TWNK: variants seen among roughly 807,000 people sequenced by gnomAD.
The protein encoded by TWNK is T7 gp4-like protein with intramitochondrial nucleoid localization.
In TWNK, 36 loss-of-function variants were observed where a neutral mutation model predicts 58.2. The ratio of observed to expected loss-of-function variants is 0.62; its 90% CI spans 0.47 to 0.82. TWNK has a LOEUF of 0.82. TWNK is among the 40% of genes least tolerant of loss of function. The pLI is 0.00. For missense variants in TWNK, 714 were observed against 881.0 expected (o/e 0.81, Z 2.40); for synonymous variants, 349 against 348.5 (o/e 1.00, Z -0.02).
intron 4 of TWNK, among the ~76,000 whole-genome samples, chr10:100,992,598 AAG>A (rs1851813285): frequency 6.6e-6 from 1 of 151,660 alleles, no homozygotes; most frequent in African/African-American, 2.4e-5. Context: ...TGAGACCTAA[AAG>A]AGAAGAAGCT....
At position 100,988,234 on chromosome 10, in the gene TWNK, G is replaced by A; in HGVS notation, c.24G>A (p.Gly8=). 6.2e-7 allele frequency: 1 copy of A among 1,614,148 alleles called. No homozygotes were observed. The highest frequency in any genetic ancestry group is 8.5e-7 in the Non-Finnish European group (1 of 1,180,042). The part of the protein sequence containing the change: MWVLLRS[G]YPLRILLPLR... ...GAATGTGGGTCCTCCTCCGAAGTGG[G>A]TACCCCCTCCGTATCTTGTTACCCC... The change falls in exon 1 of 5, where the codon GGG becomes GGA. Residue 8 remains glycine (G), a synonymous_variant. Transcript: ENST00000311916. The surrounding 1 kb of genome is among the most constrained non-coding windows in gnomAD (Gnocchi z 5.2).
Position 100,993,186 on chromosome 10 carries a change from C to T in TWNK, c.1735-4C>T, listed in dbSNP as rs1851831524. 6.2e-7 allele frequency: 1 copy of T among 1,614,016 alleles called. No individual in the cohort carries two copies. Among genetic ancestry groups the T allele is most frequent in the African/African-American group, 1.3e-5 (1 of 74,916 alleles). On this transcript the variant is annotated splice_polypyrimidine_tract_variant and splice_region_variant and intron_variant, in intron 4 of 4. Coordinates refer to ENST00000311916, the MANE Select transcript of TWNK (RefSeq NM_021830.5). ...CTTTCCTCCTTCTGCCCCCTGTTCC[C>T]CAGGCAAGCCAGGAAGCAGACAATG...
intron 4 of TWNK, among the ~76,000 whole-genome samples, chr10:100,991,450 A>G (rs947169470): frequency 7.9e-5 from 12 of 152,210 alleles, no homozygotes; most frequent in African/African-American, 2.2e-4. Context: ...GACCAGCCCA[A>G]TCCTGGAGCT....
In TWNK at chr10:100,993,749, T is replaced by G. The variant is rs1851850656; in HGVS notation, c.*239T>G. 2 of 555,746 alleles carry G rather than the reference T, an allele frequency of 3.6e-6. No homozygotes were observed. Among genetic ancestry groups the G allele is most frequent in the African/African-American group, 3.8e-5 (2 of 53,282 alleles). The allele number at this position is 555,746 out of a possible 1,614,324, so 34.4% of individuals were successfully genotyped here. A position where few individuals can be genotyped will look rare whatever the true frequency, so the allele number is the denominator to read the frequency against. ...TACAGCACTGAAAAGAGAGATAAAGTCCCTGCCTGCATGCATTCTGGCGGA... is the reference window on the plus strand; with the variant it reads ...TACAGCACTGAAAAGAGAGATAAAGGCCCTGCCTGCATGCATTCTGGCGGA... On this transcript the variant is annotated 3_prime_UTR_variant, in exon 5 of 5. Transcript: ENST00000311916.
In TWNK at chr10:100,993,171, T is replaced by C. The variant is rs534438829; in HGVS notation, c.1735-19T>C. 4.3e-6 allele frequency: 7 copies of C among 1,613,824 alleles called. No homozygotes were observed. The South Asian group carries it at 5.5e-5, about 13-fold the overall frequency. On this transcript the variant is annotated intron_variant, in intron 4 of 4. Transcript: ENST00000311916. ...GTCCTCTTACTCCTGCTTTCCTCCT[T>C]CTGCCCCCTGTTCCCCAGGCAAGCC... is the stretch of plus-strand genomic sequence containing the variant.
rs768295912 is a variant in TWNK at position 100,990,863 on chromosome 10, G to T, written c.1593-6G>T. On this transcript the variant is annotated splice_region_variant and splice_polypyrimidine_tract_variant and intron_variant, in intron 3 of 4. Transcript: ENST00000311916. The stretch of plus-strand genomic sequence containing the variant: ...ATAAGCTCTTTGTGTTGTTGGGATG[G>T]CGTAGGATCGCAGCTCAAGACTACA... 6.2e-7 allele frequency: 1 copy of T among 1,614,128 alleles called. No homozygotes were observed. The highest frequency in any genetic ancestry group is 1.7e-5 in the Admixed American group (1 of 60,018).
At position 100,988,614 on chromosome 10, in the gene TWNK, G is replaced by A. The variant is rs375005531; in HGVS notation, c.404G>A (p.Gly135Glu). The A allele has an allele frequency of 1.5e-5, 24 of 1,613,798 alleles. No homozygotes were observed. Among genetic ancestry groups the A allele is most frequent in the Non-Finnish European group, 1.7e-5 (20 of 1,180,048 alleles). Residue 135 changes from glycine to glutamate, a missense_variant, in exon 1 of 5, where the codon GGG becomes GAG. By Grantham distance (98) the Gly-to-Glu change is moderately conservative. This residue lies in a region of TWNK where 348 missense variants were observed against 388.4 expected (regional missense o/e 0.90). Transcript: ENST00000311916. The surrounding 1 kb of genome is among the most constrained non-coding windows in gnomAD (Gnocchi z 5.2). ...GCCAGCGTGGAGGGGCGAGGGGATGGGGCCAGGGAGGGGTTTCTGCTTAGC... is the reference window on the plus strand; with the variant it reads ...GCCAGCGTGGAGGGGCGAGGGGATGAGGCCAGGGAGGGGTTTCTGCTTAGC... Reference protein sequence around the residue: ...FQASVEGRGDGAREGFLLSKA... With the variant: ...FQASVEGRGDEAREGFLLSKA...
In TWNK at chr10:100,988,546, C is replaced by G; in HGVS notation, c.336C>G (p.Leu112=). Residue 112 remains leucine, a synonymous_variant, in exon 1 of 5, where the codon CTC becomes CTG. Transcript: ENST00000311916. The surrounding 1 kb of genome is among the most constrained non-coding windows in gnomAD (Gnocchi z 5.2). ...LFIDKTTGHF[L]CMTSLAEGSW... is the part of the protein sequence containing the mutation. ...TTGACAAGACCACAGGCCACTTTCT[C>G]TGCATGACCAGCCTAGCAGAAGGGA... is the stretch of plus-strand genomic sequence containing the variant. The G allele has an allele frequency of 6.2e-7, 1 of 1,614,156 alleles. No homozygotes were observed.
Position 100,993,279 on chromosome 10 carries a change from C to T in TWNK, c.1824C>T (p.Asn608=). 6 of 1,614,198 alleles carry T rather than the reference C, an allele frequency of 3.7e-6. No individual in the cohort carries two copies. In the South Asian group the frequency reaches 5.5e-5, roughly 15 times the overall value. Residue 608 remains asparagine, a synonymous_variant, in exon 5 of 5, where the codon AAC becomes AAT. Coordinates refer to ENST00000311916, the MANE Select transcript of TWNK (RefSeq NM_021830.5). ...PGKRYLQVSK[N]RFDGDVGVFP... The stretch of plus-strand genomic sequence containing the variant: ...AACGGTATCTGCAGGTGTCCAAGAA[C>T]CGCTTTGATGGAGATGTAGGTGTCT...
In TWNK at chr10:100,990,149, AT is replaced by A. The variant is rs200110357; in HGVS notation, c.1484+270del. Among the ~76,000 whole-genome samples the A allele has an allele frequency of 6.0e-4, 88 of 146,218 alleles. 1 individual carries two copies. In the East Asian group the frequency reaches 0.016, roughly 27 times the overall value. On this transcript the variant is annotated intron_variant, in intron 2 of 4. Transcript: ENST00000311916. ...GGAGACCACCCCTCTCTATAAAAAA[AT>A]TTTTAAAAATTAGGCTGGGCATGGT...
chr10:100,992,484 G>T (rs1220111892), intron 4 of TWNK, among the ~76,000 whole-genome samples: 1 of 147,728 alleles, frequency 6.8e-6, no homozygotes, highest in Non-Finnish European at 1.5e-5. Flanking sequence ...CAAAGTGCTG[G>T]GATTACAGGC....
At position 100,989,304 on chromosome 10, in the gene TWNK, A is replaced by G. The variant is rs377456836; in HGVS notation, c.1094A>G (p.Lys365Arg). The G allele has an allele frequency of 6.2e-7, 1 of 1,614,184 alleles. No individual in the cohort carries two copies. Among genetic ancestry groups the G allele is most frequent in the Non-Finnish European group, 8.5e-7 (1 of 1,180,040 alleles). Reference protein sequence around the residue: ...ILRTALPAWHKSIVSFRQLRE... With the variant: ...ILRTALPAWHRSIVSFRQLRE... ...CGTACCGCCCTGCCTGCCTGGCACA[A>G]GTCCATCGTATCTTTCCGGCAGCTT... The change falls in exon 1 of 5, where the codon AAG (lysine) becomes AGG (arginine). Residue 365 changes from lysine to arginine, a missense_variant. By Grantham distance (26) the Lys-to-Arg change is conservative. This residue lies in a region of TWNK where 302 missense variants were observed against 438.6 expected (regional missense o/e 0.69). Coordinates refer to ENST00000311916, the MANE Select transcript of TWNK (RefSeq NM_021830.5). The surrounding 1 kb of genome is among the most constrained non-coding windows in gnomAD (Gnocchi z 7.6).
rs747347276 is a variant in TWNK, at chr10:100,989,645, G to A, written c.1245G>A (p.Gly415=). Reference sequence around the variant, plus strand: ...CAGGTCTGTTCCACCCCACTGCAGGGCCAACAGGCAGTGGAAAGACGACAT... The same window carrying A: ...CAGGTCTGTTCCACCCCACTGCAGGACCAACAGGCAGTGGAAAGACGACAT... ...HRKGELTVFT[G]PTGSGKTTFI... The change falls in exon 2 of 5, where the codon GGG becomes GGA. Residue 415 remains glycine, a splice_region_variant and synonymous_variant. Transcript: ENST00000311916. This position sits in a 1 kb window ranked among gnomAD's most constrained non-coding sequence, Gnocchi z 7.6. 11 of 1,614,036 alleles carry A rather than the reference G, an allele frequency of 6.8e-6. No individual in the cohort carries two copies. Among genetic ancestry groups the A allele is most frequent in the Non-Finnish European group, 8.5e-6 (10 of 1,180,034 alleles).
rs1265510377 is a variant in TWNK at position 100,989,560 on chromosome 10, C to T, written c.1244-84C>T. 8 of 1,610,490 alleles carry T rather than the reference C, an allele frequency of 5.0e-6. No individual in the cohort carries two copies. The highest frequency in any genetic ancestry group is 1.7e-5 in the Admixed American group (1 of 59,996). On this transcript the variant is annotated intron_variant, in intron 1 of 4. Coordinates refer to ENST00000311916, the MANE Select transcript of TWNK (RefSeq NM_021830.5). The surrounding 1 kb of genome is among the most constrained non-coding windows in gnomAD (Gnocchi z 7.6). ...TGTTGAAAAGAAGGTTGGCCCTTTC[C>T]CCCCAGTTTTAAAGCCCTGACCTAT...
chr10:100,991,068 G>C, intron 4 of TWNK, 58 bp downstream of exon 4: 1 of 1,610,466 alleles, frequency 6.2e-7, no homozygotes, highest in Non-Finnish European at 8.5e-7. Context: ...GGTGTGACCA[G>C]GGACAGCCCT....
intron 4 of TWNK, among the ~76,000 whole-genome samples, chr10:100,992,105 A>T (rs1851793411): frequency 7.0e-6 from 1 of 143,208 alleles, no homozygotes; most frequent in Admixed American, 7.0e-5. Context: ...CAGGAGGCTG[A>T]GGTGGGAGGA....
Position 100,993,318 on chromosome 10 carries a change from C to T in TWNK, c.1863C>T (p.Phe621=), listed in dbSNP as rs1851836491. Residue 621 remains phenylalanine (F), a synonymous_variant, in exon 5 of 5, where the codon TTC becomes TTT. Transcript: ENST00000311916. ...DGDVGVFPLE[F]NKNSLTFSIP... is the part of the protein sequence containing the mutation. ...ATGTAGGTGTCTTCCCGCTTGAGTT[C>T]AACAAGAACTCCCTCACCTTCTCCA... The T allele has an allele frequency of 6.2e-7, 1 of 1,614,118 alleles. No homozygotes were observed.
chr10:100,993,201 A>C lies in TWNK; in HGVS notation c.1746A>C (p.Glu582Asp), dbSNP rs1335733548. 3.1e-6 allele frequency: 5 copies of C among 1,614,172 alleles called. No homozygotes were observed. The Admixed American group carries it at 8.3e-5, about 27-fold the overall frequency. ...SIFGSAKASQEADNVLILQDR... is the reference protein window; with the variant it reads ...SIFGSAKASQDADNVLILQDR... ...CCCCTGTTCCCCAGGCAAGCCAGGAAGCAGACAATGTTCTGATCCTGCAGG... is the reference window on the plus strand; with the variant it reads ...CCCCTGTTCCCCAGGCAAGCCAGGACGCAGACAATGTTCTGATCCTGCAGG... Residue 582 changes from glutamate (E) to aspartate (D), a missense_variant, in exon 5 of 5, where the codon GAA becomes GAC. Around this residue, in one of 3 missense-constraint regions of TWNK, gnomAD observed 302 missense variants for 438.6 expected, o/e 0.69. Transcript: ENST00000311916.
chr10:100,988,558 C>T lies in TWNK; in HGVS notation c.348C>T (p.Ser116=). Residue 116 remains serine (S), a synonymous_variant, in exon 1 of 5, where the codon AGC becomes AGT. Transcript: ENST00000311916. This position sits in a 1 kb window ranked among gnomAD's most constrained non-coding sequence, Gnocchi z 5.2. ...CAGGCCACTTTCTCTGCATGACCAGCCTAGCAGAAGGGAGCTGGGAAGACT... is the reference window on the plus strand; with the variant it reads ...CAGGCCACTTTCTCTGCATGACCAGTCTAGCAGAAGGGAGCTGGGAAGACT... The part of the protein sequence containing the change: ...KTTGHFLCMT[S]LAEGSWEDFQ... 1 of 1,614,088 alleles carries T rather than the reference C, an allele frequency of 6.2e-7. No individual in the cohort carries two copies. Among genetic ancestry groups the T allele is most frequent in the Middle Eastern group, 1.6e-4 (1 of 6,062 alleles).
Sources: gnomAD v4.1 joint callset for allele counts (sites outside exome capture counted in the v4.1 genomes callset) on GRCh38, gnomAD v4.1.1 for gene constraint, gnomAD v4.1.1 regional missense constraint, Gnocchi (gnomAD v3.1) non-coding constraint, MANE v1.5 for transcripts, NCBI Gene and HGNC (gene_info 2026-07-23, HGNC 2026-07-21) for gene names.